The following ADAMTS17 variants were observed in gnomAD, a reference collection of about 807,000 sequenced individuals.
ADAMTS17 encodes the protein ADAM metallopeptidase with thrombospondin type 1 motif 17.
A neutral mutation model predicts 141.5 loss-of-function variants in ADAMTS17; 113 were observed. The observed-to-expected ratio is 0.80, with a 90% CI of 0.69 to 0.93. ADAMTS17 has a LOEUF of 0.93. Ranked by LOEUF, ADAMTS17 falls within the 40% of genes least tolerant of loss-of-function variation. The pLI, the probability that ADAMTS17 is intolerant of heterozygous loss-of-function variation, is 0.00. For synonymous variants in ADAMTS17, 768 were observed against 630.6 expected (o/e 1.22, Z -3.27); for missense variants, 1,659 against 1,517.9 (o/e 1.09, Z -1.54).
intron 15 of ADAMTS17, among the ~76,000 whole-genome samples, chr15:100,058,981 G>A (rs981929026): frequency 1.3e-5 from 2 of 152,190 alleles, no homozygotes; most frequent in African/African-American, 2.4e-5. Flanking sequence ...GAGTCATGGC[G>A]TATTTGCTTC....
At chr15:100,131,502 T>C (rs1036303464) in intron 12 of ADAMTS17, among the ~76,000 whole-genome samples, 2 of 151,972 alleles carry the variant, frequency 1.3e-5, no homozygotes, top group Non-Finnish European at 2.9e-5. Flanking sequence ...GGAAAGGTCA[T>C]GGTGTCATTA....
intron 6 of ADAMTS17, among the ~76,000 whole-genome samples, chr15:100,257,832 G>A (rs1212099930): frequency 6.6e-6 from 1 of 152,130 alleles, no homozygotes; most frequent in East Asian, 1.9e-4. Flanking sequence ...TCACTGTCAT[G>A]CAACCATCAC....
intron 3 of ADAMTS17, among the ~76,000 whole-genome samples, chr15:100,325,953 T>C (rs78908371): frequency 0.069 from 10,488 of 152,182 alleles, 857 homozygotes; most frequent in East Asian, 0.25. Flanking sequence ...GATCCCACAC[T>C]TTTGGCCTCC....
At chr15:100,302,665 G>A (rs1163918261) in intron 3 of ADAMTS17, among the ~76,000 whole-genome samples, 1 of 152,166 alleles carries the variant, frequency 6.6e-6, no homozygotes, top group African/African-American at 2.4e-5. Flanking sequence ...ATCTCTGCAG[G>A]TGCTTATTGT....
chr15:100,121,007 A>T lies in ADAMTS17; in HGVS notation c.1722-3994T>A, dbSNP rs1041515671. Among the ~76,000 whole-genome samples the T allele has an allele frequency of 2.0e-5, 3 of 152,254 alleles. No homozygotes were observed. In the East Asian group the frequency reaches 5.8e-4, roughly 29 times the overall value. The stretch of plus-strand genomic sequence containing the variant: ...GACAATCTATAAACATAATGAGAAT[A>T]TCAATAAAGATATGGAAGTTAAGAA... On this transcript the variant is annotated intron_variant, in intron 12 of 21. Coordinates refer to ENST00000268070, the MANE Select transcript of ADAMTS17 (RefSeq NM_139057.4).
At chr15:100,021,500 TTTCCC>T (rs2141447478) in intron 18 of ADAMTS17, among the ~76,000 whole-genome samples, 1 of 152,270 alleles carries the variant, frequency 6.6e-6, no homozygotes, top group African/African-American at 2.4e-5. Context: ...TGTAATCTCT[TTTCCC>T]TTCCAAGTAA....
intron 8 of ADAMTS17, among the ~76,000 whole-genome samples, chr15:100,185,208 C>T (rs1332397507): frequency 1.3e-5 from 2 of 152,192 alleles, no homozygotes; most frequent in African/African-American, 4.8e-5. Context: ...CCCTGTGCCT[C>T]AGTTTCCCTA....
chr15:100,094,657 G>A (rs1312164253), intron 15 of ADAMTS17, among the ~76,000 whole-genome samples: 4 of 152,186 alleles, frequency 2.6e-5, no homozygotes, highest in East Asian at 3.9e-4. Flanking sequence ...CGCACTTGTA[G>A]TCAGTTCTCT....
chr15:100,153,349 G>A (rs1257332677), intron 9 of ADAMTS17, among the ~76,000 whole-genome samples: 2 of 152,132 alleles, frequency 1.3e-5, no homozygotes, highest in South Asian at 2.1e-4. Context: ...CTCTAAAAGA[G>A]TGAACTGGGG....
chr15:100,145,215 A>G (rs2038842771), intron 10 of ADAMTS17, among the ~76,000 whole-genome samples: 1 of 152,180 alleles, frequency 6.6e-6, no homozygotes, highest in African/African-American at 2.4e-5. Flanking sequence ...CAGCAACACC[A>G]GTGAGGGGCT....
chr15:100,131,465 C>T (rs556018277), intron 12 of ADAMTS17, among the ~76,000 whole-genome samples: 7 of 151,584 alleles, frequency 4.6e-5, no homozygotes, highest in South Asian at 2.1e-4. Flanking sequence ...CCCTGAGTTT[C>T]GTGGAACAAA....
intron 15 of ADAMTS17, among the ~76,000 whole-genome samples, chr15:100,060,140 C>A (rs1195591144): frequency 6.6e-6 from 1 of 152,224 alleles, no homozygotes; most frequent in Non-Finnish European, 1.5e-5. Context: ...TCTGTGAATT[C>A]TGAAGCTCTG....
At chr15:100,020,231 C>G (rs1047268466) in intron 18 of ADAMTS17, among the ~76,000 whole-genome samples, 3 of 152,192 alleles carry the variant, frequency 2.0e-5, no homozygotes, top group Non-Finnish European at 2.9e-5. Flanking sequence ...ATTCCACCCC[C>G]GCTGCTGCTC....
rs530893565 is a variant in ADAMTS17, at chr15:100,107,769, C to G, written c.2016+1220G>C. Among the ~76,000 whole-genome samples, 4 of 152,272 alleles carry G rather than the reference C, an allele frequency of 2.6e-5. No homozygotes were observed. In the South Asian group the frequency reaches 8.3e-4, roughly 32 times the overall value. On this transcript the variant is annotated intron_variant, in intron 14 of 21. Transcript: ENST00000268070. ...TCAGATCCCAAATCTGCCTGTGCCT[C>G]AAGGCCTCAATCTTGGACTTCCCAG...
In ADAMTS17 at chr15:100,262,382, C is replaced by T; in HGVS notation, c.843G>A (p.Val281=). 1 of 1,613,918 alleles carries T rather than the reference C, an allele frequency of 6.2e-7. No homozygotes were observed. Among genetic ancestry groups the T allele is most frequent in the Non-Finnish European group, 8.5e-7 (1 of 1,179,964 alleles). ...GTTGTCGTAGCAGGACAAGCTTGGT[C>T]ACTTGAATGTTAATTTTAATCCCCA... ...QSLGIKINIQ[V]TKLVLLRQRP... The change falls in exon 5 of 22, where the codon GTG becomes GTA. Residue 281 remains valine (V), a synonymous_variant. Coordinates refer to ENST00000268070, the MANE Select transcript of ADAMTS17 (RefSeq NM_139057.4).
At chr15:100,339,059 ACAG>A in intron 2 of ADAMTS17, 1 of 985,486 alleles carries the variant, frequency 1.0e-6, no homozygotes, top group Non-Finnish European at 1.2e-6. Context: ...AGACTAAACA[ACAG>A]AAGTGTCTGC....
chr15:100,294,018 T>C (rs1477694705), intron 3 of ADAMTS17, among the ~76,000 whole-genome samples: 1 of 152,098 alleles, frequency 6.6e-6, no homozygotes, highest in East Asian at 1.9e-4. Flanking sequence ...AGGGTGACAG[T>C]GGGTGAGTTT....
intron 3 of ADAMTS17, among the ~76,000 whole-genome samples, chr15:100,311,715 A>G (rs2045411561): frequency 6.6e-6 from 1 of 152,042 alleles, no homozygotes; most frequent in Non-Finnish European, 1.5e-5. Context: ...TTTTGTTTCA[A>G]TGTTTAGATT....
intron 18 of ADAMTS17, among the ~76,000 whole-genome samples, chr15:100,021,796 G>A (rs2061411636): frequency 6.6e-6 from 1 of 152,142 alleles, no homozygotes; most frequent in South Asian, 2.1e-4. Flanking sequence ...CCAGCCACAT[G>A]TGCTCCTCCC....
Sources: allele counts gnomAD v4.1 joint callset (sites outside exome capture counted in the v4.1 genomes callset), GRCh38; gene constraint gnomAD v4.1.1; transcripts MANE v1.5; gene names NCBI Gene and HGNC (gene_info 2026-07-23, HGNC 2026-07-21).